Variants in ACBD6 observed in about 807,000 individuals in gnomAD.
ACBD6 encodes acyl-CoA-binding domain-containing protein 6.
Under a neutral mutation model 37.2 loss-of-function variants are expected in ACBD6, and 28 were observed. That is an observed-to-expected ratio of 0.75 (90% CI 0.56 to 1.03). ACBD6 has a LOEUF of 1.03. Ranked by LOEUF, ACBD6 falls within the 50% of genes least tolerant of loss-of-function variation. The probability of loss-of-function intolerance (pLI) is 0.00; values close to 1 mark genes in which losing one functional copy is unlikely to be tolerated. For synonymous variants in ACBD6, 113 were observed against 126.8 expected (o/e 0.89, Z 0.73); for missense variants, 340 against 337.4 (o/e 1.01, Z -0.06).
downstream of ACBD6, among the ~76,000 whole-genome samples, chr1:180,287,986 G>T (rs191648758): frequency 9.9e-5 from 15 of 152,278 alleles, no homozygotes; most frequent in Admixed American, 4.6e-4. Context: ...TCTCTACCAT[G>T]TTGGGATTGC....
At chr1:180,394,081 G>T (rs1654169977) in intron 6 of ACBD6, among the ~76,000 whole-genome samples, 1 of 152,062 alleles carries the variant, frequency 6.6e-6, no homozygotes, top group Non-Finnish European at 1.5e-5. Flanking sequence ...CAATGTGTTT[G>T]GTTCAAAAAA....
chr1:180,278,661 G>A (rs762319819), intron 9 of ACBD6: 2 of 151,020 alleles, frequency 1.3e-5, no homozygotes, highest in East Asian at 2.0e-4. Context: ...GACTGTGTTC[G>A]GCCAAACAAG....
At chr1:180,374,841 G>GA (rs1653378267) in intron 6 of ACBD6, among the ~76,000 whole-genome samples, 1 of 151,916 alleles carries the variant, frequency 6.6e-6, no homozygotes, top group South Asian at 2.1e-4. Context: ...TCAAACATAT[G>GA]AAAAACTTAA....
chr1:180,398,216 T>A (rs899384351), intron 5 of ACBD6, among the ~76,000 whole-genome samples: 1 of 152,154 alleles, frequency 6.6e-6, no homozygotes, highest in South Asian at 2.1e-4. Context: ...AACAATAATA[T>A]AAATAATACC....
intron 7 of ACBD6, among the ~76,000 whole-genome samples, chr1:180,296,046 A>G (rs2764467): frequency 0.045 from 6,883 of 152,308 alleles, 225 homozygotes; most frequent in Non-Finnish European, 0.059. Flanking sequence ...GCCAAATAAA[A>G]GTTCTTGAAG....
chr1:180,324,912 A>G (rs557940352), intron 6 of ACBD6, among the ~76,000 whole-genome samples: 5 of 152,182 alleles, frequency 3.3e-5, no homozygotes, highest in African/African-American at 1.2e-4. Context: ...TAGCACTTTA[A>G]ATATGTCATG....
chr1:180,366,356 G>T (rs1653055585), intron 6 of ACBD6, among the ~76,000 whole-genome samples: 1 of 152,110 alleles, frequency 6.6e-6, no homozygotes, highest in African/African-American at 2.4e-5. Flanking sequence ...AACCTTTATG[G>T]TGAAGACGGT....
intron 6 of ACBD6, among the ~76,000 whole-genome samples, chr1:180,355,830 C>T (rs1384525286): frequency 1.3e-5 from 2 of 152,042 alleles, no homozygotes; most frequent in African/African-American, 2.4e-5. Flanking sequence ...TTTCTAACTA[C>T]AGATTTCCCT....
chr1:180,323,716 T>C (rs1428968756), intron 6 of ACBD6, among the ~76,000 whole-genome samples: 6 of 152,148 alleles, frequency 3.9e-5, no homozygotes, highest in African/African-American at 1.4e-4. Flanking sequence ...CTATAGCTAC[T>C]CCTGCTCTTT....
chr1:180,400,185 T>C (rs1277933903), intron 5 of ACBD6, among the ~76,000 whole-genome samples: 1 of 152,192 alleles, frequency 6.6e-6, no homozygotes, highest in African/African-American at 2.4e-5. Flanking sequence ...TATTTTAAAT[T>C]TTCCATGTGA....
chr1:180,416,875 GT>G (rs1648117088), intron 4 of ACBD6, among the ~76,000 whole-genome samples: 1 of 152,056 alleles, frequency 6.6e-6, no homozygotes, highest in African/African-American at 2.4e-5. Context: ...GACATATAAA[GT>G]CCATTTAACT....
chr1:180,442,706 G>A (rs998296395), intron 3 of ACBD6, among the ~76,000 whole-genome samples: 1 of 151,862 alleles, frequency 6.6e-6, no homozygotes, highest in African/African-American at 2.4e-5. Flanking sequence ...CTCCATCTTC[G>A]AGCTTCAAGT....
intron 3 of ACBD6, 117 bp downstream of exon 3, chr1:180,492,151 AT>A (rs1651529817): frequency 1.3e-6 from 1 of 773,518 alleles, no homozygotes; most frequent in African/African-American, 1.8e-5. Flanking sequence ...ACTTTAAAAT[AT>A]TTCAAGAAAG....
intron 7 of ACBD6, among the ~76,000 whole-genome samples, chr1:180,299,148 T>G (rs1044236428): frequency 6.6e-6 from 1 of 152,246 alleles, no homozygotes; most frequent in Non-Finnish European, 1.5e-5. Flanking sequence ...TGCTCAAAAT[T>G]CATTAGTTAA....
At chr1:180,389,882 A>T (rs1455765036) in intron 6 of ACBD6, among the ~76,000 whole-genome samples, 1 of 152,018 alleles carries the variant, frequency 6.6e-6, no homozygotes, top group East Asian at 1.9e-4. Flanking sequence ...GTTTGAGTTC[A>T]TTGTAGATTC....
At chr1:180,392,891 C>A (rs1341289932) in intron 6 of ACBD6, among the ~76,000 whole-genome samples, 2 of 108,848 alleles carry the variant, frequency 1.8e-5, no homozygotes, top group Non-Finnish European at 4.8e-5. Flanking sequence ...CATTTCTGTA[C>A]CACTTAAAAC....
At chr1:180,312,673 C>T (rs1288394338) in intron 7 of ACBD6, among the ~76,000 whole-genome samples, 1 of 152,122 alleles carries the variant, frequency 6.6e-6, no homozygotes, top group Non-Finnish European at 1.5e-5. Context: ...AATGTTTGCT[C>T]TGGGTTTTTG....
intron 6 of ACBD6, among the ~76,000 whole-genome samples, chr1:180,331,173 G>A (rs1193592803): frequency 6.6e-6 from 1 of 152,184 alleles, no homozygotes; most frequent in East Asian, 1.9e-4. Flanking sequence ...CACACAAGGG[G>A]TATGCCAATT....
chr1:180,332,350 C>G (rs1571370718), intron 6 of ACBD6, among the ~76,000 whole-genome samples: 1 of 152,282 alleles, frequency 6.6e-6, no homozygotes, highest in African/African-American at 2.4e-5. Flanking sequence ...GTCCCCAATC[C>G]CTGTTACCTG....
Sources: allele counts gnomAD v4.1 joint callset (sites outside exome capture counted in the v4.1 genomes callset), GRCh38; gene constraint gnomAD v4.1.1; transcripts MANE v1.5; gene names NCBI Gene and HGNC (gene_info 2026-07-23, HGNC 2026-07-21).